PCDHGA8: variants seen among roughly 807,000 people sequenced by gnomAD.
PCDHGA8 encodes protocadherin gamma subfamily A, 8.
A neutral mutation model predicts 59.2 loss-of-function variants in PCDHGA8; 45 were observed. The observed-to-expected ratio is 0.76, with a 90% confidence interval of 0.60 to 0.98. The LOEUF (loss-of-function observed/expected upper bound fraction) is 0.98. PCDHGA8 is among the 50% of genes least tolerant of loss of function. PCDHGA8 has a pLI of 0.00. For missense variants in PCDHGA8, 1,257 were observed against 1,196.2 expected (o/e 1.05, Z -0.75); for synonymous variants, 531 against 519.0 (o/e 1.02, Z -0.32).
In PCDHGA8 at chr5:141,477,836, G is replaced by T. The variant is rs1344676631; in HGVS notation, c.2425-16971G>T. On this transcript the variant is annotated intron_variant, in intron 1 of 3. Transcript: ENST00000398604. This position sits in a 1 kb window ranked among gnomAD's most constrained non-coding sequence, Gnocchi z 4.9. ...CCAGGTCCTATATCCTCGGCCAGGT[G>T]GGAGCTCGGTGGAGATGCTGCCTCG... The T allele has an allele frequency of 1.2e-6, 2 of 1,613,952 alleles. No individual in the cohort carries two copies. Among genetic ancestry groups the T allele is most frequent in the Non-Finnish European group, 1.7e-6 (2 of 1,180,012 alleles).
rs564367150 is a variant in PCDHGA8 at position 141,464,990 on chromosome 5, C to T, written c.2425-29817C>T. Among the ~76,000 whole-genome samples, 147 of 152,192 alleles carry T rather than the reference C, an allele frequency of 9.7e-4. 1 individual carries two copies. Among genetic ancestry groups the T allele is most frequent in the African/African-American group, 3.5e-3 (144 of 41,536 alleles). On this transcript the variant is annotated intron_variant, in intron 1 of 3. Transcript: ENST00000398604. ...CTACTGGCTTCAAGTGATCCTCCCA[C>T]CTCAGCCTCCCAAAGTGCTAAGATT...
In PCDHGA8 at chr5:141,432,976, C is replaced by T; in HGVS notation, c.2424+37739C>T. 1 of 1,614,210 alleles carries T rather than the reference C, an allele frequency of 6.2e-7. No individual in the cohort carries two copies. On this transcript the variant is annotated intron_variant, in intron 1 of 3. Transcript: ENST00000398604. The surrounding 1 kb of genome is among the most constrained non-coding windows in gnomAD (Gnocchi z 6.0). Reference sequence around the variant, plus strand: ...GCTTGACAGGAGCGCCGGCGTCGCACTTTGTGGGCGTGGACGGGGTGCAGG... The same window carrying T: ...GCTTGACAGGAGCGCCGGCGTCGCATTTTGTGGGCGTGGACGGGGTGCAGG...
At chr5:141,414,856 G>C (rs1269714202) in intron 1 of PCDHGA8, 2 of 1,614,216 alleles carry the variant, frequency 1.2e-6, no homozygotes, top group Non-Finnish European at 8.5e-7. Flanking sequence ...GGACCAGAAC[G>C]ACAATGCGCC....
chr5:141,398,789 C>G (rs1400897772), intron 1 of PCDHGA8: 5 of 1,613,778 alleles, frequency 3.1e-6, no homozygotes, highest in Non-Finnish European at 4.2e-6. Context: ...GGACATCCAC[C>G]CCTAAGCGGC....
intron 1 of PCDHGA8, chr5:141,415,739 G>GTTTTT (rs1561759437): frequency 2.3e-6 from 1 of 434,538 alleles, no homozygotes; most frequent in African/African-American, 3.3e-5. Flanking sequence ...TGTTTATTAA[G>GTTTTT]GTTTTTTTTT....
chr5:141,419,700 C>T, intron 1 of PCDHGA8: 2 of 1,612,974 alleles, frequency 1.2e-6, no homozygotes, highest in Non-Finnish European at 1.7e-6. Context: ...GCCAGTGAGC[C>T]CGGGCTCTTC....
In PCDHGA8 at chr5:141,399,285, C is replaced by T. The variant is rs751998465; in HGVS notation, c.2424+4048C>T. 3 of 1,613,720 alleles carry T rather than the reference C, an allele frequency of 1.9e-6. No homozygotes were observed. In the African/African-American group the frequency reaches 4.0e-5, roughly 22 times the overall value. ...TTAATTGTCAATTACAAGGCGAAGTCCCTTTTAAGATTATCTCTTCATCCA... is the reference window on the plus strand; with the variant it reads ...TTAATTGTCAATTACAAGGCGAAGTTCCTTTTAAGATTATCTCTTCATCCA... On this transcript the variant is annotated intron_variant, in intron 1 of 3. Coordinates refer to ENST00000398604, the MANE Select transcript of PCDHGA8 (RefSeq NM_032088.2).
intron 1 of PCDHGA8, chr5:141,427,834 C>A: frequency 6.5e-7 from 1 of 1,542,566 alleles, no homozygotes; most frequent in Non-Finnish European, 8.9e-7. Flanking sequence ...GCGCAGCGTG[C>A]CTTCGACCAC....
chr5:141,491,143 C>A lies in PCDHGA8; in HGVS notation c.2425-3664C>A. 1.2e-6 allele frequency: 2 copies of A among 1,614,142 alleles called. No homozygotes were observed. Among genetic ancestry groups the A allele is most frequent in the South Asian group, 1.1e-5 (1 of 91,082 alleles). On this transcript the variant is annotated intron_variant, in intron 1 of 3. Transcript: ENST00000398604. This position sits in a 1 kb window ranked among gnomAD's most constrained non-coding sequence, Gnocchi z 6.9. ...TGAGGTGCGCACAGCCCGGGCCTTA[C>A]TGGAGGATGACTCTGACACCCAGCA... is the stretch of plus-strand genomic sequence containing the variant.
At chr5:141,508,681 C>T (rs970069) in intron 3 of PCDHGA8, among the ~76,000 whole-genome samples, 26,289 of 151,984 alleles carry the variant, frequency 0.17, 2,539 homozygotes, top group Admixed American at 0.29. Flanking sequence ...CTCCCTTCTC[C>T]CTGCTTCTCC....
At chr5:141,464,838 A>G (rs2099091245) in intron 1 of PCDHGA8, among the ~76,000 whole-genome samples, 1 of 152,182 alleles carries the variant, frequency 6.6e-6, no homozygotes, top group African/African-American at 2.4e-5. Context: ...TCCTGGGCTC[A>G]AGCAATCCTC....
At chr5:141,419,419 C>T (rs767018815) in intron 1 of PCDHGA8, 1 of 1,613,266 alleles carries the variant, frequency 6.2e-7, no homozygotes, top group Non-Finnish European at 8.5e-7. Flanking sequence ...AGCGCGCCTT[C>T]GACCACGAGC....
At position 141,424,135 on chromosome 5, in the gene PCDHGA8, G is replaced by A. The variant is rs572224199; in HGVS notation, c.2424+28898G>A. 1.1e-4 allele frequency: 47 copies of A among 431,606 alleles called. No individual in the cohort carries two copies. The South Asian group carries it at 4.6e-3, about 43-fold the overall frequency. The allele number at this position is 431,606 out of a possible 1,614,324, so 26.7% of individuals were successfully genotyped here. On this transcript the variant is annotated intron_variant, in intron 1 of 3. Coordinates refer to ENST00000398604, the MANE Select transcript of PCDHGA8 (RefSeq NM_032088.2). The stretch of plus-strand genomic sequence containing the variant: ...AAATTTTGATCCTGTTGATTTAATA[G>A]CATGCTCCCTCTAGCTCTCCTTCTC...
At chr5:141,423,750 T>TGG (rs144521096) in intron 1 of PCDHGA8, 9,462 of 287,056 alleles carry the variant, frequency 0.033, 140 homozygotes, top group African/African-American at 0.097. Flanking sequence ...GAAAACTGTT[T>TGG]GGGGGGGGGG....
chr5:141,476,803 T>G lies in PCDHGA8; in HGVS notation c.2425-18004T>G, dbSNP rs756358461. 3 of 1,613,688 alleles carry G rather than the reference T, an allele frequency of 1.9e-6. No individual in the cohort carries two copies. The highest frequency in any genetic ancestry group is 2.2e-5 in the South Asian group (2 of 91,092). ...CCCCAGCTCTCTCCGCCAGCCTGCCTATTCACATCAAGGTGCTGGACGCGA... is the reference window on the plus strand; with the variant it reads ...CCCCAGCTCTCTCCGCCAGCCTGCCGATTCACATCAAGGTGCTGGACGCGA... On this transcript the variant is annotated intron_variant, in intron 1 of 3. Transcript: ENST00000398604. The surrounding 1 kb of genome is among the most constrained non-coding windows in gnomAD (Gnocchi z 7.6).
At chr5:141,409,988 GCCGACT>G in intron 1 of PCDHGA8, 1 of 1,613,278 alleles carries the variant, frequency 6.2e-7, no homozygotes, top group East Asian at 2.2e-5. Context: ...AGCGGTGGAC[GCCGACT>G]CGGGACACAA....
At chr5:141,463,981 A>G (rs1441851777) in intron 1 of PCDHGA8, among the ~76,000 whole-genome samples, 1 of 152,150 alleles carries the variant, frequency 6.6e-6, no homozygotes, top group Non-Finnish European at 1.5e-5. Context: ...ACTCCATTGT[A>G]AAAACCAGGT....
chr5:141,468,348 A>C (rs962230735), intron 1 of PCDHGA8: 2 of 150,318 alleles, frequency 1.3e-5, no homozygotes, highest in African/African-American at 4.9e-5. Context: ...AAAAAAAAAA[A>C]AGAAAGAAAA....
At position 141,489,963 on chromosome 5, in the gene PCDHGA8, C is replaced by A. The variant is rs779260164; in HGVS notation, c.2425-4844C>A. On this transcript the variant is annotated intron_variant, in intron 1 of 3. Coordinates refer to ENST00000398604, the MANE Select transcript of PCDHGA8 (RefSeq NM_032088.2). This position sits in a 1 kb window ranked among gnomAD's most constrained non-coding sequence, Gnocchi z 4.5. Reference sequence around the variant, plus strand: ...TGGACATCAATGATAATGCTCCAACCTTCCAATCCTCAGTTCTACGTGTGG... The same window carrying A: ...TGGACATCAATGATAATGCTCCAACATTCCAATCCTCAGTTCTACGTGTGG... The A allele has an allele frequency of 8.1e-6, 13 of 1,614,184 alleles. No homozygotes were observed. In the East Asian group the frequency reaches 2.2e-4, roughly 28 times the overall value.
Sources: gnomAD v4.1 joint callset for allele counts (sites outside exome capture counted in the v4.1 genomes callset) on GRCh38, gnomAD v4.1.1 for gene constraint, Gnocchi (gnomAD v3.1) non-coding constraint, MANE v1.5 for transcripts, NCBI Gene and HGNC (gene_info 2026-07-23, HGNC 2026-07-21) for gene names.